Variants in MAST4 observed in about 807,000 individuals in gnomAD.
MAST4 encodes the protein microtubule-associated serine/threonine-protein kinase 4.
MAST4 carries 89 observed loss-of-function variants against 162.7 expected under a neutral mutation model. That is an observed-to-expected ratio of 0.55 (90% CI 0.46 to 0.65). MAST4 has a LOEUF of 0.65. MAST4 is among the 30% of genes least tolerant of loss of function. The pLI, the probability that MAST4 is intolerant of heterozygous loss-of-function variation, is 0.00. For synonymous variants in MAST4, 1,479 were observed against 1,361.1 expected (o/e 1.09, Z -1.91); for missense variants, 3,153 against 3,374.0 (o/e 0.93, Z 1.62).
chr5:66,627,838 A>T (rs981453533), intron 1 of MAST4, among the ~76,000 whole-genome samples: 1 of 152,028 alleles, frequency 6.6e-6, no homozygotes, highest in African/African-American at 2.4e-5. Context: ...CTCCAGTTTC[A>T]TTGGGTTCAC....
intron 1 of MAST4, among the ~76,000 whole-genome samples, chr5:66,636,208 G>A (rs531528754): frequency 3.9e-5 from 6 of 151,936 alleles, no homozygotes; most frequent in Middle Eastern, 6.8e-3. Context: ...TGCCTGCCTC[G>A]GCCTCCCAAA....
At chr5:67,125,560 T>C (rs569370345) in intron 14 of MAST4, among the ~76,000 whole-genome samples, 2 of 152,316 alleles carry the variant, frequency 1.3e-5, no homozygotes, top group South Asian at 2.1e-4. Context: ...GCTTCATCCA[T>C]GTCCCTGTAA....
chr5:66,733,431 C>A lies in MAST4; in HGVS notation c.364-26278C>A, dbSNP rs573273312. Among the ~76,000 whole-genome samples, 6 of 152,192 alleles carry A rather than the reference C, an allele frequency of 3.9e-5. No homozygotes were observed. In the East Asian group the frequency reaches 1.2e-3, roughly 29 times the overall value. On this transcript the variant is annotated intron_variant, in intron 1 of 28. Coordinates refer to ENST00000403625, the MANE Select transcript of MAST4 (RefSeq NM_001164664.2). ...AGAAATTCATCTTATAGATATCTTT[C>A]ATTCTGTAGGTTGGAACCCATGAAT...
At chr5:67,078,962 T>C (rs1446866252) in intron 5 of MAST4, among the ~76,000 whole-genome samples, 2 of 91,912 alleles carry the variant, frequency 2.2e-5, no homozygotes, top group African/African-American at 8.3e-5. Flanking sequence ...GGCAATCTGA[T>C]GTTATCTGTC....
At chr5:66,905,666 T>C (rs1401430449) in intron 4 of MAST4, among the ~76,000 whole-genome samples, 1 of 152,178 alleles carries the variant, frequency 6.6e-6, no homozygotes, top group Admixed American at 6.5e-5. Context: ...CTTGGCATCA[T>C]GCATTTTCAG....
chr5:66,879,492 A>C (rs1423009776), intron 3 of MAST4, among the ~76,000 whole-genome samples: 1 of 151,978 alleles, frequency 6.6e-6, no homozygotes, highest in Non-Finnish European at 1.5e-5. Flanking sequence ...TTTCTGGGAA[A>C]ATAGCTTGCT....
In MAST4 at chr5:67,166,978, A is replaced by G; in HGVS notation, c.7799A>G (p.Glu2600Gly). Residue 2600 changes from glutamate (E) to glycine (G), a missense_variant, in exon 29 of 29, where the codon GAG (glutamate) becomes GGG (glycine). By Grantham distance (98) the Glu-to-Gly change is moderately conservative. Coordinates refer to ENST00000403625, the MANE Select transcript of MAST4 (RefSeq NM_001164664.2). The stretch of plus-strand genomic sequence containing the variant: ...GACCGCCCCATCTCTCTTTCTAATG[A>G]GAAGGACTTTGTGGTACGGCAGAGG... The part of the protein sequence containing the change: ...NTDRPISLSN[E>G]KDFVVRQRRG... 10 of 1,612,478 alleles carry G rather than the reference A, an allele frequency of 6.2e-6. No individual in the cohort carries two copies. Among genetic ancestry groups the G allele is most frequent in the African/African-American group, 1.3e-5 (1 of 74,974 alleles).
chr5:67,153,679 T>A, intron 26 of MAST4, 99 bp downstream of exon 26: 1 of 1,141,552 alleles, frequency 8.8e-7, no homozygotes, highest in Non-Finnish European at 1.2e-6. Context: ...CCATGTCTGA[T>A]TACTGAGAAA....
intron 4 of MAST4, chr5:67,002,051 T>G (rs905531774): frequency 1.3e-5 from 2 of 152,178 alleles, no homozygotes; most frequent in African/African-American, 4.8e-5. Context: ...CTTGGATACC[T>G]ACAAGTGAGC....
intron 2 of MAST4, among the ~76,000 whole-genome samples, chr5:66,768,453 CAGTAAAAAGGAACAACTGTTG>C (rs1754209422): frequency 6.6e-6 from 1 of 152,146 alleles, no homozygotes; most frequent in South Asian, 2.1e-4. Context: ...TACTACTTGG[CAGTAAAAAGGAACAACTGTTG>C]ATACATGCAG....
chr5:66,984,770 G>GGGCGT, intron 4 of MAST4, among the ~76,000 whole-genome samples: 1 of 152,062 alleles, frequency 6.6e-6, no homozygotes, highest in Admixed American at 6.6e-5. Flanking sequence ...GGGCGGGGCG[G>GGGCGT]GGGGCATTGA....
chr5:67,104,360 A>G lies in MAST4; in HGVS notation c.1147-6A>G, dbSNP rs1765362805. The G allele has an allele frequency of 1.7e-5, 28 of 1,606,288 alleles. No homozygotes were observed. Among genetic ancestry groups the G allele is most frequent in the Non-Finnish European group, 2.4e-5 (28 of 1,173,032 alleles). On this transcript the variant is annotated splice_polypyrimidine_tract_variant and splice_region_variant and intron_variant, in intron 9 of 28. Transcript: ENST00000403625. ...ACATCTGTGTATGTGTGTCTTCTCT[A>G]TATAGGCTACAGCTCAGATGGAAGA...
intron 8 of MAST4, among the ~76,000 whole-genome samples, chr5:67,101,337 T>G (rs1765007374): frequency 6.6e-6 from 1 of 152,170 alleles, no homozygotes. Context: ...TTCTTTTATA[T>G]CCCTACCTCA....
intron 5 of MAST4, among the ~76,000 whole-genome samples, chr5:67,081,014 T>TAC (rs1762553600): frequency 7.3e-6 from 1 of 137,176 alleles, no homozygotes; most frequent in Non-Finnish European, 1.5e-5. Context: ...ATATAATATA[T>TAC]AATTGTATAT....
intron 1 of MAST4, among the ~76,000 whole-genome samples, chr5:66,609,691 GTT>G (rs796660631): frequency 4.3e-5 from 5 of 117,488 alleles, no homozygotes; most frequent in Non-Finnish European, 5.1e-5. Context: ...CCAGCCTGGT[GTT>G]TTTTTTTTTT....
intron 4 of MAST4, among the ~76,000 whole-genome samples, chr5:66,956,360 AGTTCACAAC>A (rs369105049): frequency 0.013 from 1,933 of 152,252 alleles, 39 homozygotes; most frequent in African/African-American, 0.044. Flanking sequence ...TGTCTTGAGA[AGTTCACAAC>A]GTCCAGGGTT....
At chr5:67,008,220 A>G (rs1434970058) in intron 4 of MAST4, among the ~76,000 whole-genome samples, 1 of 152,228 alleles carries the variant, frequency 6.6e-6, no homozygotes, top group African/African-American at 2.4e-5. Flanking sequence ...GAGACTTTAT[A>G]CGAAAACTTG....
In MAST4 at chr5:67,162,484, A is replaced by G. The variant is rs147960105; in HGVS notation, c.3786-123A>G. The G allele has an allele frequency of 4.7e-4, 375 of 789,786 alleles. No homozygotes were observed. In the African/African-American group the frequency reaches 5.8e-3, roughly 12 times the overall value. The allele number at this position is 789,786 out of a possible 1,614,324, so 48.9% of individuals were successfully genotyped here. A position where few individuals can be genotyped will look rare whatever the true frequency, so the allele number is the denominator to read the frequency against. On this transcript the variant is annotated intron_variant, in intron 27 of 28. Coordinates refer to ENST00000403625, the MANE Select transcript of MAST4 (RefSeq NM_001164664.2). ...TAGGAAAGTGGTGTTCTGCTCTTTA[A>G]TAGGATCTGCTGTTGTATCCCTGTC...
chr5:67,122,273 T>C (rs190757184), intron 14 of MAST4, among the ~76,000 whole-genome samples: 13 of 152,284 alleles, frequency 8.5e-5, no homozygotes, highest in African/African-American at 3.1e-4. Context: ...ACAAAAGAAG[T>C]TTTTGTTGTG....
Sources: allele counts gnomAD v4.1 joint callset (sites outside exome capture counted in the v4.1 genomes callset), GRCh38; gene constraint gnomAD v4.1.1; transcripts MANE v1.5; gene names NCBI Gene and HGNC (gene_info 2026-07-23, HGNC 2026-07-21).